The following SCAI variants were observed in gnomAD, a reference collection of about 807,000 sequenced individuals.
SCAI encodes the protein suppressor of cancer cell invasion, also known as protein SCAI.
A neutral mutation model predicts 92.2 loss-of-function variants in SCAI; 24 were observed. The ratio of observed to expected loss-of-function variants is 0.26; its 90% CI spans 0.19 to 0.37. The LOEUF (loss-of-function observed/expected upper bound fraction) is 0.37, where lower values mean the gene tolerates loss of function less well. SCAI is among the 10% of genes least tolerant of loss of function. SCAI has a pLI of 1.00. For missense variants in SCAI, 450 were observed against 736.2 expected, an observed-to-expected ratio of 0.61 and a Z score of 4.50; for synonymous variants, 261 against 258.6, an observed-to-expected ratio of 1.01 and a Z score of -0.09.
At chr9:124,963,262 G>A (rs1248915932) in intron 17 of SCAI, among the ~76,000 whole-genome samples, 7 of 150,300 alleles carry the variant, frequency 4.7e-5, no homozygotes, top group Non-Finnish European at 8.9e-5. Context: ...TCAGCCTCCC[G>A]AGCAGCTGGG....
Position 124,949,864 on chromosome 9 carries a change from G to A in SCAI, c.*2943C>T, listed in dbSNP as rs1044260716. 10 of 151,994 alleles carry A rather than the reference G, an allele frequency of 6.6e-5. No homozygotes were observed. Among genetic ancestry groups the A allele is most frequent in the African/African-American group, 2.2e-4 (9 of 41,390 alleles). 9.4% of individuals were successfully genotyped at this position (151,994 alleles called of 1,614,324 possible). On this transcript the variant is annotated 3_prime_UTR_variant, in exon 18 of 18. Transcript: ENST00000336505. The surrounding 1 kb of genome is among the most constrained non-coding windows in gnomAD (Gnocchi z 4.0). ...CTGGAGTATAGTCTTTGTTTAATACGCATTTTTTTGAAGGCATCAATGAAA... is the reference window on the plus strand; with the variant it reads ...CTGGAGTATAGTCTTTGTTTAATACACATTTTTTTGAAGGCATCAATGAAA...
At chr9:125,106,123 ATATATATATATATAT>A (rs1306474088) in intron 2 of SCAI, among the ~76,000 whole-genome samples, 11 of 9,280 alleles carry the variant, frequency 1.2e-3, no homozygotes, top group African/African-American at 2.9e-3. Context: ...AAAAAAAAAA[ATATATATATATATAT>A]ATATATATAT....
chr9:125,002,152 G>A (rs1165364495), intron 11 of SCAI, 109 bp from the exon 12 acceptor site: 3 of 759,590 alleles, frequency 3.9e-6, no homozygotes, highest in Admixed American at 4.4e-5. Flanking sequence ...AGAATGCACT[G>A]TTGTCTTTTC....
At chr9:125,112,713 C>G (rs1276797692) in intron 2 of SCAI, among the ~76,000 whole-genome samples, 1 of 152,184 alleles carries the variant, frequency 6.6e-6, no homozygotes, top group East Asian at 1.9e-4. Flanking sequence ...ATACCATTCT[C>G]CAATAAAAGG....
intron 2 of SCAI, among the ~76,000 whole-genome samples, chr9:125,096,633 C>T (rs148560894): frequency 1.3e-5 from 2 of 152,266 alleles, no homozygotes; most frequent in Non-Finnish European, 2.9e-5. Flanking sequence ...TTCCCACTCC[C>T]TAGCAGGTTT....
At chr9:124,966,268 C>A (rs1416064797) in intron 17 of SCAI, among the ~76,000 whole-genome samples, 1 of 147,650 alleles carries the variant, frequency 6.8e-6, no homozygotes, top group Non-Finnish European at 1.5e-5. Flanking sequence ...TGATGTTCCC[C>A]TTCCTGTGTC....
chr9:125,069,841 C>T (rs1833946620), intron 2 of SCAI, among the ~76,000 whole-genome samples: 1 of 151,966 alleles, frequency 6.6e-6, no homozygotes, highest in East Asian at 1.9e-4. Context: ...AGGCTGGTCT[C>T]GAACTCCTGA....
intron 17 of SCAI, among the ~76,000 whole-genome samples, chr9:124,967,662 T>C (rs1042232719): frequency 2.0e-5 from 3 of 150,626 alleles, no homozygotes; most frequent in East Asian, 1.9e-4. Context: ...AATAAAAAAA[T>C]ACACACACAC....
At chr9:125,040,044 C>G (rs1833287427) in intron 3 of SCAI, among the ~76,000 whole-genome samples, 1 of 152,162 alleles carries the variant, frequency 6.6e-6, no homozygotes, top group African/African-American at 2.4e-5. Flanking sequence ...ACTTTATTCC[C>G]CACAAACACC....
At chr9:125,097,358 G>A (rs748372436) in intron 2 of SCAI, among the ~76,000 whole-genome samples, 14 of 151,954 alleles carry the variant, frequency 9.2e-5, no homozygotes, top group Non-Finnish European at 1.6e-4. Flanking sequence ...GCTTGAACTC[G>A]GGAGGTAGAG....
intron 2 of SCAI, among the ~76,000 whole-genome samples, chr9:125,095,036 G>A (rs1487610060): frequency 6.6e-6 from 1 of 152,148 alleles, no homozygotes; most frequent in Non-Finnish European, 1.5e-5. Flanking sequence ...GTGTCACCCA[G>A]CTCTCCCTTC....
chr9:125,060,062 C>T (rs185881978), intron 2 of SCAI, among the ~76,000 whole-genome samples: 57 of 152,296 alleles, frequency 3.7e-4, no homozygotes, highest in Admixed American at 3.5e-3. Context: ...TCTTCAGTTA[C>T]TTCACAAAGA....
intron 2 of SCAI, among the ~76,000 whole-genome samples, chr9:125,067,005 T>C (rs1833885882): frequency 6.6e-6 from 1 of 152,154 alleles, no homozygotes; most frequent in Non-Finnish European, 1.5e-5. Context: ...CTCTATGATA[T>C]TTGCACAATA....
At chr9:125,130,002 G>T (rs910924334) in intron 2 of SCAI, among the ~76,000 whole-genome samples, 1 of 151,700 alleles carries the variant, frequency 6.6e-6, no homozygotes, top group East Asian at 1.9e-4. Flanking sequence ...GGGTTCAAGC[G>T]ATTCTCCTGC....
intron 9 of SCAI, 79 bp from the exon 10 acceptor site, chr9:125,003,649 T>C (rs1194841642): frequency 4.6e-6 from 4 of 869,512 alleles, no homozygotes; most frequent in South Asian, 1.4e-5. Flanking sequence ...ACGTTACTAG[T>C]TGTGACTTTC....
At chr9:124,992,338 G>T (rs533205220) in intron 14 of SCAI, among the ~76,000 whole-genome samples, 38 of 151,692 alleles carry the variant, frequency 2.5e-4, no homozygotes, top group Non-Finnish European at 5.2e-4. Flanking sequence ...AAATTGGTCT[G>T]TGCCATGATC....
intron 2 of SCAI, among the ~76,000 whole-genome samples, chr9:125,125,817 TA>T (rs113284700): frequency 0.47 from 61,411 of 131,874 alleles, 14,172 homozygotes; most frequent in East Asian, 0.62. Context: ...GGCGACAGAG[TA>T]AAGACTTTGT....
intron 2 of SCAI, among the ~76,000 whole-genome samples, chr9:125,094,297 G>A (rs773183936): frequency 3.3e-5 from 5 of 151,860 alleles, no homozygotes; most frequent in Non-Finnish European, 4.4e-5. Context: ...ATTCATTCTA[G>A]CCACACTGCT....
At chr9:125,074,583 TCTC>T (rs1834049899) in intron 2 of SCAI, among the ~76,000 whole-genome samples, 1 of 151,682 alleles carries the variant, frequency 6.6e-6, no homozygotes. Context: ...AGTCAGTACT[TCTC>T]TCAGTGGCAA....
Sources: gnomAD v4.1 joint callset for allele counts (sites outside exome capture counted in the v4.1 genomes callset) on GRCh38, gnomAD v4.1.1 for gene constraint, Gnocchi (gnomAD v3.1) non-coding constraint, MANE v1.5 for transcripts, NCBI Gene and HGNC (gene_info 2026-07-23, HGNC 2026-07-21) for gene names.